The following ESR1 variants were observed in gnomAD, a reference collection of about 807,000 sequenced individuals.
ESR1 encodes the protein estrogen receptor.
Under a neutral mutation model 52.7 loss-of-function variants are expected in ESR1, and 12 were observed. The ratio of observed to expected loss-of-function variants is 0.23; its 90% CI spans 0.15 to 0.37. The LOEUF (loss-of-function observed/expected upper bound fraction) is 0.37. Ranked by LOEUF, ESR1 falls within the 10% of genes least tolerant of loss-of-function variation. The pLI is 1.00. For missense variants in ESR1, 584 were observed against 779.7 expected (o/e 0.75, Z 2.99); for synonymous variants, 305 against 316.8 (o/e 0.96, Z 0.39).
At chr6:152,110,790 A>T (rs2051123335) in intron 6 of ESR1, among the ~76,000 whole-genome samples, 1 of 152,226 alleles carries the variant, frequency 6.6e-6, no homozygotes, top group South Asian at 2.1e-4. Context: ...AAGAAATATG[A>T]CACCTTGGAC....
chr6:152,098,185 C>T lies in ESR1; in HGVS notation c.1554-547C>T, dbSNP rs1225391040. Among the ~76,000 whole-genome samples, 1 of 152,054 alleles carries T rather than the reference C, an allele frequency of 6.6e-6. No homozygotes were observed. Among genetic ancestry groups the T allele is most frequent in the Non-Finnish European group, 1.5e-5 (1 of 68,022 alleles). Reference sequence around the variant, plus strand: ...GAGAGAGGCAGGAAGAGCTTGGAGACATGGATGGAAGCTGGACCAGTTGGG... The same window carrying T: ...GAGAGAGGCAGGAAGAGCTTGGAGATATGGATGGAAGCTGGACCAGTTGGG... On this transcript the variant is annotated intron_variant, in intron 7 of 7. Transcript: ENST00000206249. This position sits in a 1 kb window ranked among gnomAD's most constrained non-coding sequence, Gnocchi z 5.1.
At chr6:151,973,766 C>T (rs2039149988) in intron 4 of ESR1, among the ~76,000 whole-genome samples, 1 of 152,164 alleles carries the variant, frequency 6.6e-6, no homozygotes, top group Non-Finnish European at 1.5e-5. Flanking sequence ...GTTTTGCGTC[C>T]TGTTGAACAC....
At chr6:152,067,023 C>T (rs924978836) in intron 6 of ESR1, among the ~76,000 whole-genome samples, 1 of 152,128 alleles carries the variant, frequency 6.6e-6, no homozygotes, top group Non-Finnish European at 1.5e-5. Flanking sequence ...AAATACAAAG[C>T]CTTAGTTTTG....
At chr6:151,670,897 T>C (rs1357219681) in intron 1 of ESR1, among the ~76,000 whole-genome samples, 1 of 150,768 alleles carries the variant, frequency 6.6e-6, no homozygotes, top group African/African-American at 2.4e-5. Flanking sequence ...GCTTCCCGAG[T>C]AGCTGGGATT....
chr6:152,011,821 G>A (rs2128779807), intron 5 of ESR1, 27 bp downstream of exon 5: 1 of 1,610,764 alleles, frequency 6.2e-7, no homozygotes. Context: ...TAGCTTAGGA[G>A]TAGCATGTTC....
Position 152,022,375 on chromosome 6 carries a change from G to A in ESR1, c.1235+10581G>A, listed in dbSNP as rs534157896. On this transcript the variant is annotated intron_variant, in intron 5 of 7. Transcript: ENST00000206249. ...GAGGAGTTTTTCCTCATACATGTTG[G>A]GTTTAAAGTGCAGGGAAGATATCCT... Among the ~76,000 whole-genome samples the A allele has an allele frequency of 3.9e-5, 6 of 152,236 alleles. No individual in the cohort carries two copies. The East Asian group carries it at 1.2e-3, about 29-fold the overall frequency.
chr6:151,894,717 C>T (rs371193007), intron 3 of ESR1, among the ~76,000 whole-genome samples: 38 of 152,104 alleles, frequency 2.5e-4, no homozygotes, highest in Admixed American at 1.8e-3. Flanking sequence ...GTTTATTTCT[C>T]GGTTCTCTAC....
intron 2 of ESR1, among the ~76,000 whole-genome samples, chr6:151,719,346 G>A (rs1012486691): frequency 2.0e-5 from 3 of 152,158 alleles, no homozygotes; most frequent in Non-Finnish European, 2.9e-5. Flanking sequence ...TGTGGGTGTG[G>A]AGGAAGGGTG....
chr6:152,102,810 T>TA lies in ESR1; in HGVS notation c.*3847dup, dbSNP rs1290106471. 4 of 225,006 alleles carry TA rather than the reference T, an allele frequency of 1.8e-5. No homozygotes were observed. Among genetic ancestry groups the TA allele is most frequent in the Non-Finnish European group, 3.6e-5 (4 of 112,662 alleles). 13.9% of individuals were successfully genotyped at this position (225,006 alleles called of 1,614,324 possible). On this transcript the variant is annotated 3_prime_UTR_variant, in exon 8 of 8. Transcript: ENST00000206249. The stretch of plus-strand genomic sequence containing the variant: ...ATTGTGCCTGAACTTTTAAAATATG[T>TA]AAATGCTGCCATGTTCCAAACCCAT...
At chr6:151,802,234 T>G (rs1158809214), upstream of ESR1, among the ~76,000 whole-genome samples, 1 of 152,234 alleles carries the variant, frequency 6.6e-6, no homozygotes, top group Non-Finnish European at 1.5e-5. Flanking sequence ...GTGACCAAAC[T>G]ATTTGTGAAA....
At chr6:151,862,884 GA>G (rs1789147244) in intron 2 of ESR1, among the ~76,000 whole-genome samples, 1 of 152,050 alleles carries the variant, frequency 6.6e-6, no homozygotes, top group South Asian at 2.1e-4. Flanking sequence ...AAGAAAAGAA[GA>G]TTGTAGATGC....
chr6:151,991,477 C>CAA (rs961418088), intron 4 of ESR1, among the ~76,000 whole-genome samples: 1 of 151,560 alleles, frequency 6.6e-6, no homozygotes, highest in African/African-American at 2.4e-5. Context: ...CAAGGGGCTC[C>CAA]AAATACGGTT....
chr6:152,009,538 C>T (rs9340958), intron 4 of ESR1, among the ~76,000 whole-genome samples: 12,915 of 152,110 alleles, frequency 0.085, 590 homozygotes, highest in Middle Eastern at 0.14. Context: ...TACCTCTGTA[C>T]GTCTATTAGA....
At chr6:151,948,588 C>T (rs539658215) in intron 4 of ESR1, among the ~76,000 whole-genome samples, 3 of 152,236 alleles carry the variant, frequency 2.0e-5, no homozygotes, top group East Asian at 1.9e-4. Context: ...GCAAACTAGA[C>T]GACCTTCTCC....
chr6:152,035,742 A>G (rs1009467706), intron 5 of ESR1, among the ~76,000 whole-genome samples: 1 of 152,234 alleles, frequency 6.6e-6, no homozygotes, highest in Non-Finnish European at 1.5e-5. Context: ...TAGAAAATAC[A>G]GTTCAGAAAC....
intron 4 of ESR1, among the ~76,000 whole-genome samples, chr6:151,988,297 G>A (rs2040689120): frequency 6.6e-6 from 1 of 152,080 alleles, no homozygotes. Context: ...ATTATCATAA[G>A]GAGTGCACAA....
intron 1 of ESR1, among the ~76,000 whole-genome samples, chr6:151,815,248 AT>A (rs1469585379): frequency 6.6e-6 from 1 of 152,218 alleles, no homozygotes; most frequent in African/African-American, 2.4e-5. Context: ...AAGGGTATAC[AT>A]TCCAATTTGC....
intron 2 of ESR1, among the ~76,000 whole-genome samples, chr6:151,745,349 C>T (rs1489768650): frequency 6.6e-6 from 1 of 152,154 alleles, no homozygotes; most frequent in Non-Finnish European, 1.5e-5. Flanking sequence ...CTTACTGTGG[C>T]ATTGGTGCTT....
chr6:151,700,415 GA>G (rs1231230593), intron 1 of ESR1, among the ~76,000 whole-genome samples: 2 of 151,994 alleles, frequency 1.3e-5, no homozygotes, highest in African/African-American at 2.4e-5. Context: ...AACTTTAGTA[GA>G]ACATAGCAAT....
Sources: gnomAD v4.1 joint callset for allele counts (sites outside exome capture counted in the v4.1 genomes callset) on GRCh38, gnomAD v4.1.1 for gene constraint, Gnocchi (gnomAD v3.1) non-coding constraint, MANE v1.5 for transcripts, NCBI Gene and HGNC (gene_info 2026-07-23, HGNC 2026-07-21) for gene names.